ANO2: variants seen among roughly 807,000 people sequenced by gnomAD.
ANO2 encodes anoctamin-2.
Under a neutral mutation model 124.2 loss-of-function variants are expected in ANO2, and 101 were observed. The observed-to-expected ratio is 0.81, with a 90% CI of 0.69 to 0.96. ANO2 has a LOEUF of 0.96. Ranked by LOEUF, ANO2 falls within the 40% of genes least tolerant of loss-of-function variation. The probability of loss-of-function intolerance (pLI) is 0.00; values close to 1 mark genes in which losing one functional copy is unlikely to be tolerated. For missense variants in ANO2, 1,293 were observed against 1,274.5 expected (o/e 1.01, Z -0.22); for synonymous variants, 486 against 482.5 (o/e 1.01, Z -0.09).
intron 12 of ANO2, among the ~76,000 whole-genome samples, chr12:5,741,799 T>C (rs933343812): frequency 2.0e-5 from 3 of 152,166 alleles, no homozygotes; most frequent in Admixed American, 1.3e-4. Context: ...AGGACAACGA[T>C]GCTCAAAGAT....
intron 9 of ANO2, among the ~76,000 whole-genome samples, chr12:5,805,085 C>A (rs1591636932): frequency 6.6e-6 from 1 of 151,898 alleles, no homozygotes; most frequent in South Asian, 2.1e-4. Context: ...GTTAAGACAT[C>A]GCAATACTAC....
At chr12:5,843,035 C>T (rs1954568786) in intron 4 of ANO2, among the ~76,000 whole-genome samples, 1 of 152,220 alleles carries the variant, frequency 6.6e-6, no homozygotes, top group Non-Finnish European at 1.5e-5. Context: ...ACCCTCCCAG[C>T]TGTCCCTCTA....
intron 9 of ANO2, among the ~76,000 whole-genome samples, chr12:5,804,320 A>G (rs940718878): frequency 6.6e-6 from 1 of 152,224 alleles, no homozygotes; most frequent in Non-Finnish European, 1.5e-5. Flanking sequence ...CTGTGTCAAC[A>G]TGACCACACA....
chr12:5,615,098 G>A, intron 17 of ANO2, 88 bp downstream of exon 17: 1 of 1,007,888 alleles, frequency 9.9e-7, no homozygotes, highest in Non-Finnish European at 1.5e-6. Context: ...AGTGGACAAT[G>A]GGGACAGGCT....
intron 3 of ANO2, among the ~76,000 whole-genome samples, chr12:5,855,871 CAT>C (rs1232136050): frequency 6.6e-6 from 1 of 152,172 alleles, no homozygotes; most frequent in Non-Finnish European, 1.5e-5. Flanking sequence ...AACACAAAGA[CAT>C]GTGTTTAGGC....
chr12:5,915,554 TC>T lies in ANO2; in HGVS notation c.534+5485del, dbSNP rs141122579. ...GTCTCTGATAGGAACCCATTTGCTC[TC>T]CATTTGCCTTAAAGTCAATGAACCC... is the stretch of plus-strand genomic sequence containing the variant. On this transcript the variant is annotated intron_variant, in intron 3 of 24. Coordinates refer to ENST00000682330, the MANE Select transcript of ANO2 (RefSeq NM_001364791.2). Among the ~76,000 whole-genome samples, 1,458 of 152,296 alleles carry T rather than the reference TC, an allele frequency of 9.6e-3. 22 individuals carry two copies. Among genetic ancestry groups the T allele is most frequent in the African/African-American group, 0.033 (1,351 of 41,554 alleles).
intron 7 of ANO2, among the ~76,000 whole-genome samples, chr12:5,808,796 C>CCA (rs1200869314): frequency 2.6e-5 from 4 of 152,168 alleles, no homozygotes; most frequent in Non-Finnish European, 5.9e-5. Flanking sequence ...AATGCCCCAC[C>CCA]CACATGCTCA....
At chr12:5,800,920 G>C (rs1953018212) in intron 9 of ANO2, among the ~76,000 whole-genome samples, 1 of 152,184 alleles carries the variant, frequency 6.6e-6, no homozygotes, top group African/African-American at 2.4e-5. Context: ...CTGAGGTCTG[G>C]GCCCTGGGCA....
intron 15 of ANO2, among the ~76,000 whole-genome samples, chr12:5,647,300 A>C (rs1238245568): frequency 3.9e-5 from 6 of 152,200 alleles, no homozygotes; most frequent in Non-Finnish European, 8.8e-5. Context: ...CCAAACTCTA[A>C]GGTAAAGCGC....
intron 14 of ANO2, among the ~76,000 whole-genome samples, chr12:5,707,663 A>G (rs906484123): frequency 6.6e-6 from 1 of 152,156 alleles, no homozygotes; most frequent in Admixed American, 6.5e-5. Context: ...TTTCTAGAAC[A>G]TCAATCCAAT....
At chr12:5,695,849 A>T (rs138557388) in intron 14 of ANO2, among the ~76,000 whole-genome samples, 66 of 152,308 alleles carry the variant, frequency 4.3e-4, no homozygotes, top group African/African-American at 1.2e-3. Flanking sequence ...TCTAATAAAT[A>T]AATTAATTAA....
chr12:5,652,581 A>G (rs903771553), intron 14 of ANO2, among the ~76,000 whole-genome samples: 1 of 151,998 alleles, frequency 6.6e-6, no homozygotes, highest in African/African-American at 2.4e-5. Flanking sequence ...CGAAGCTGTG[A>G]TAGTTTCTCA....
intron 3 of ANO2, among the ~76,000 whole-genome samples, chr12:5,864,198 C>T (rs1209595511): frequency 2.0e-5 from 3 of 152,148 alleles, no homozygotes; most frequent in Admixed American, 6.5e-5. Flanking sequence ...AACTGAACAC[C>T]ACCAAGTGAG....
At chr12:5,768,425 G>A (rs1951964098) in intron 10 of ANO2, among the ~76,000 whole-genome samples, 1 of 152,218 alleles carries the variant, frequency 6.6e-6, no homozygotes, top group Non-Finnish European at 1.5e-5. Context: ...AAGAGCAGAA[G>A]TGTTGTTGGA....
rs1288176309 is a variant in ANO2 at position 5,660,142 on chromosome 12, ATTTTCTACT to A, written c.1546-12350_1546-12342del. The stretch of plus-strand genomic sequence containing the variant: ...ACAGGTTTATCAGGCCATTAAATGC[ATTTTCTACT>A]TTTAATATTTCTGACTTATGACAGG... On this transcript the variant is annotated intron_variant, in intron 14 of 24. Coordinates refer to ENST00000682330, the MANE Select transcript of ANO2 (RefSeq NM_001364791.2). Among the ~76,000 whole-genome samples the A allele has an allele frequency of 2.6e-5, 4 of 152,082 alleles. No homozygotes were observed. In the East Asian group the frequency reaches 7.7e-4, roughly 29 times the overall value.
chr12:5,657,825 C>CAT (rs1947237821), intron 14 of ANO2, among the ~76,000 whole-genome samples: 1 of 28,218 alleles, frequency 3.5e-5, no homozygotes, highest in African/African-American at 6.8e-5. Context: ...CACAGAATGG[C>CAT]ATGTTCAAGG....
At chr12:5,903,517 C>T (rs1169489031) in intron 3 of ANO2, among the ~76,000 whole-genome samples, 1 of 152,188 alleles carries the variant, frequency 6.6e-6, no homozygotes, top group Non-Finnish European at 1.5e-5. Context: ...TCTAGTGGCT[C>T]AGCTGAAATT....
At chr12:5,705,327 G>GAGC (rs60835312) in intron 14 of ANO2, among the ~76,000 whole-genome samples, 23,020 of 152,142 alleles carry the variant, frequency 0.15, 1,848 homozygotes, top group Middle Eastern at 0.23. Flanking sequence ...GAAAAAAGGA[G>GAGC]AGAAAGAAAA....
chr12:5,600,855 C>T (rs576187177), intron 19 of ANO2, among the ~76,000 whole-genome samples: 1 of 152,150 alleles, frequency 6.6e-6, no homozygotes, highest in Non-Finnish European at 1.5e-5. Flanking sequence ...ATTCTTCACC[C>T]AAGACCACCC....
Sources: gnomAD v4.1 joint callset for allele counts (sites outside exome capture counted in the v4.1 genomes callset) on GRCh38, gnomAD v4.1.1 for gene constraint, MANE v1.5 for transcripts, NCBI Gene and HGNC (gene_info 2026-07-23, HGNC 2026-07-21) for gene names.